Variants in IMMP2L observed in about 807,000 individuals in gnomAD.
IMMP2L encodes the protein mitochondrial inner membrane protease subunit 2.
Under a neutral mutation model 19.3 loss-of-function variants are expected in IMMP2L, and 18 were observed. The observed-to-expected ratio is 0.93, with a 90% confidence interval of 0.64 to 1.38. IMMP2L has a LOEUF of 1.38. IMMP2L is among the 40% of genes most tolerant of loss of function. IMMP2L has a pLI of 0.00. For missense variants in IMMP2L, 233 were observed against 218.2 expected, an observed-to-expected ratio of 1.07 and a Z score of -0.43; for synonymous variants, 76 against 73.0, an observed-to-expected ratio of 1.04 and a Z score of -0.21.
At chr7:110,702,993 G>T (rs1044418171) in intron 5 of IMMP2L, among the ~76,000 whole-genome samples, 1 of 152,114 alleles carries the variant, frequency 6.6e-6, no homozygotes, top group Non-Finnish European at 1.5e-5. Context: ...GTTTCAGAAA[G>T]AAATCATTTA....
At chr7:111,390,396 T>G (rs1832228433) in intron 3 of IMMP2L, among the ~76,000 whole-genome samples, 1 of 152,162 alleles carries the variant, frequency 6.6e-6, no homozygotes, top group Non-Finnish European at 1.5e-5. Flanking sequence ...TCCATCTCAA[T>G]GTCTGCTTCT....
intron 2 of IMMP2L, among the ~76,000 whole-genome samples, chr7:111,517,195 C>T (rs1025572580): frequency 1.3e-5 from 2 of 151,906 alleles, no homozygotes; most frequent in Admixed American, 1.3e-4. Context: ...ACAAGATAAT[C>T]ACAGGTAGCT....
intron 3 of IMMP2L, among the ~76,000 whole-genome samples, chr7:111,129,675 G>A (rs2129593161): frequency 6.6e-6 from 1 of 152,162 alleles, no homozygotes; most frequent in African/African-American, 2.4e-5. Flanking sequence ...GGAGTTTTGG[G>A]AAAAGACAGA....
intron 5 of IMMP2L, among the ~76,000 whole-genome samples, chr7:110,702,085 A>C (rs1794327623): frequency 6.6e-6 from 1 of 151,362 alleles, no homozygotes; most frequent in Non-Finnish European, 1.5e-5. Context: ...GCATGCCTCT[A>C]TCCCAGCTAA....
At chr7:110,690,784 AAGG>A (rs1793438855) in intron 5 of IMMP2L, among the ~76,000 whole-genome samples, 1 of 152,154 alleles carries the variant, frequency 6.6e-6, no homozygotes, top group African/African-American at 2.4e-5. Context: ...AGATCTCTAC[AAGG>A]AGAACTATAA....
intron 3 of IMMP2L, among the ~76,000 whole-genome samples, chr7:110,987,586 A>G (rs922658304): frequency 3.9e-5 from 6 of 152,302 alleles, no homozygotes; most frequent in Middle Eastern, 6.8e-3. Context: ...GAAGGCTTCT[A>G]TGGGAAATTA....
At chr7:111,353,569 T>G (rs2130910128) in intron 3 of IMMP2L, among the ~76,000 whole-genome samples, 1 of 152,268 alleles carries the variant, frequency 6.6e-6, no homozygotes, top group African/African-American at 2.4e-5. Flanking sequence ...ACTAGAAGTT[T>G]CAGGAGCCTA....
intron 5 of IMMP2L, among the ~76,000 whole-genome samples, chr7:110,666,859 T>A (rs1791494625): frequency 6.6e-6 from 1 of 152,208 alleles, no homozygotes; most frequent in African/African-American, 2.4e-5. Context: ...CAAATTAAGA[T>A]GTCTGTGTAA....
chr7:110,775,476 C>T (rs1799323202), intron 5 of IMMP2L, among the ~76,000 whole-genome samples: 6 of 151,982 alleles, frequency 3.9e-5, no homozygotes, highest in Admixed American at 3.9e-4. Flanking sequence ...GTTTTCTAAA[C>T]TTAAACTAGT....
chr7:111,470,913 G>A (rs911317712), intron 3 of IMMP2L, among the ~76,000 whole-genome samples: 4 of 150,530 alleles, frequency 2.7e-5, no homozygotes, highest in Non-Finnish European at 4.4e-5. Flanking sequence ...AAAGAGAAGA[G>A]GGCCAAAAAA....
Position 110,982,198 on chromosome 7 carries a change from A to G in IMMP2L, c.240-18633T>C, listed in dbSNP as rs138775034. ...CCCTGTATAATTCTCATGTTTTCAA[A>G]AACAACATAGATACCTTTGAGCTGC... On this transcript the variant is annotated intron_variant, in intron 3 of 5. Coordinates refer to ENST00000405709, the MANE Select transcript of IMMP2L (RefSeq NM_032549.4). Among the ~76,000 whole-genome samples the G allele has an allele frequency of 4.6e-5, 7 of 152,230 alleles. No homozygotes were observed. In the East Asian group the frequency reaches 1.2e-3, roughly 25 times the overall value.
At chr7:111,162,246 G>A (rs896825410) in intron 3 of IMMP2L, among the ~76,000 whole-genome samples, 2 of 151,874 alleles carry the variant, frequency 1.3e-5, no homozygotes, top group African/African-American at 4.8e-5. Context: ...TTTCCAATGA[G>A]TTTTTAAAAT....
chr7:110,962,591 A>C, intron 4 of IMMP2L: 2 of 317,810 alleles, frequency 6.3e-6, no homozygotes, highest in South Asian at 2.4e-4. Flanking sequence ...AGAGTGAAAA[A>C]CGGCAAGTAA....
chr7:110,974,750 C>T (rs190324350), intron 3 of IMMP2L, among the ~76,000 whole-genome samples: 3 of 152,220 alleles, frequency 2.0e-5, no homozygotes, highest in African/African-American at 7.2e-5. Flanking sequence ...ATTCTTCCTC[C>T]CAAAGATTTT....
chr7:110,799,923 T>C (rs1172579800), intron 5 of IMMP2L, among the ~76,000 whole-genome samples: 1 of 152,066 alleles, frequency 6.6e-6, no homozygotes, highest in East Asian at 1.9e-4. Context: ...AATCACTCCA[T>C]GACAATGAGG....
intron 3 of IMMP2L, among the ~76,000 whole-genome samples, chr7:111,446,736 G>A (rs1315273344): frequency 3.3e-5 from 5 of 152,208 alleles, no homozygotes; most frequent in East Asian, 1.9e-4. Context: ...AGAGAGGAAC[G>A]CTTCAGACGA....
intron 1 of IMMP2L, among the ~76,000 whole-genome samples, chr7:111,548,843 T>A (rs192245023): frequency 6.6e-6 from 1 of 152,126 alleles, no homozygotes; most frequent in Non-Finnish European, 1.5e-5. Context: ...GCTTAACCCA[T>A]ACAGAGACTG....
intron 5 of IMMP2L, among the ~76,000 whole-genome samples, chr7:110,846,060 G>A (rs2131489440): frequency 6.6e-6 from 1 of 152,184 alleles, no homozygotes; most frequent in African/African-American, 2.4e-5. Flanking sequence ...TGTTATAGTA[G>A]CCCAAATGGA....
At chr7:110,677,253 A>C (rs1376227182) in intron 5 of IMMP2L, among the ~76,000 whole-genome samples, 1 of 152,224 alleles carries the variant, frequency 6.6e-6, no homozygotes, top group Non-Finnish European at 1.5e-5. Context: ...CAGAATTAGA[A>C]ATAAAGGCAG....
Sources: allele counts gnomAD v4.1 joint callset (sites outside exome capture counted in the v4.1 genomes callset), GRCh38; gene constraint gnomAD v4.1.1; transcripts MANE v1.5; gene names NCBI Gene and HGNC (gene_info 2026-07-23, HGNC 2026-07-21).